Variants in PDGFD observed in about 807,000 individuals in gnomAD.
PDGFD encodes the protein platelet-derived growth factor D.
In PDGFD, 30 loss-of-function variants were observed where a neutral mutation model predicts 44.7. The observed-to-expected ratio is 0.67, with a 90% CI of 0.50 to 0.91. PDGFD has a LOEUF of 0.91. Among genes scored for constraint, PDGFD ranks in the 40% least tolerant of loss-of-function variants. The pLI, the probability that PDGFD is intolerant of heterozygous loss-of-function variation, is 0.00. For missense variants in PDGFD, 445 were observed against 457.8 expected, an observed-to-expected ratio of 0.97 and a Z score of 0.25; for synonymous variants, 173 against 168.4, an observed-to-expected ratio of 1.03 and a Z score of -0.21.
chr11:104,144,726 A>G (rs759491554), intron 1 of PDGFD, among the ~76,000 whole-genome samples: 13 of 152,202 alleles, frequency 8.5e-5, no homozygotes, highest in Non-Finnish European at 1.3e-4. Flanking sequence ...AAAAAGCAGC[A>G]GATGATAGAT....
chr11:104,059,374 C>A (rs968215632), intron 1 of PDGFD, among the ~76,000 whole-genome samples: 1 of 152,146 alleles, frequency 6.6e-6, no homozygotes, highest in Non-Finnish European at 1.5e-5. Flanking sequence ...TCAGCAATTT[C>A]ATTAGGACAT....
intron 1 of PDGFD, among the ~76,000 whole-genome samples, chr11:104,028,871 G>GA (rs201861896): frequency 1.5e-4 from 23 of 150,458 alleles, no homozygotes; most frequent in East Asian, 9.7e-4. Flanking sequence ...GTTTGTAAAG[G>GA]AAAAAAAAAT....
At chr11:104,055,719 T>C (rs1004600196) in intron 1 of PDGFD, among the ~76,000 whole-genome samples, 7 of 152,194 alleles carry the variant, frequency 4.6e-5, no homozygotes, top group Non-Finnish European at 8.8e-5. Flanking sequence ...GATGTGTTAT[T>C]TCCCCAGTTT....
At chr11:103,925,716 C>CACACACATATATATATAT (rs1198529368) in intron 6 of PDGFD, among the ~76,000 whole-genome samples, 1 of 122,758 alleles carries the variant, frequency 8.1e-6, no homozygotes, top group African/African-American at 3.2e-5. Context: ...CACACACACA[C>CACACACATATATATATAT]ATATATATAT....
At chr11:104,134,539 T>C (rs1208587632) in intron 1 of PDGFD, among the ~76,000 whole-genome samples, 1 of 152,184 alleles carries the variant, frequency 6.6e-6, no homozygotes, top group Non-Finnish European at 1.5e-5. Flanking sequence ...CAGATGGTGG[T>C]ACCCAGTCCA....
In PDGFD at chr11:104,000,273, T is replaced by G. The variant is rs764515192; in HGVS notation, c.125-18A>C. ...ATTGCTCTCTGTTAGTAGTCACAAC[T>G]TGTAGAAATTAGTATGTTGCTCCAA... is the stretch of plus-strand genomic sequence containing the variant. On this transcript the variant is annotated intron_variant, in intron 1 of 6. Transcript: ENST00000393158. The G allele has an allele frequency of 6.3e-7, 1 of 1,598,128 alleles. No homozygotes were observed.
intron 1 of PDGFD, among the ~76,000 whole-genome samples, chr11:104,016,735 C>G (rs924049431): frequency 6.6e-6 from 1 of 152,208 alleles, no homozygotes; most frequent in Non-Finnish European, 1.5e-5. Flanking sequence ...ACGGAAAGGG[C>G]ACCATGGCCA....
chr11:103,975,984 T>C (rs1261300377), intron 3 of PDGFD, among the ~76,000 whole-genome samples: 1 of 152,242 alleles, frequency 6.6e-6, no homozygotes, highest in Non-Finnish European at 1.5e-5. Context: ...ATGGGCTCTT[T>C]TTTGGTTCCA....
intron 1 of PDGFD, among the ~76,000 whole-genome samples, chr11:104,081,869 C>T (rs1565329305): frequency 1.3e-5 from 2 of 152,046 alleles, no homozygotes; most frequent in Admixed American, 6.6e-5. Context: ...ATTCACAAAA[C>T]ATTTGTCTAA....
intron 1 of PDGFD, among the ~76,000 whole-genome samples, chr11:104,028,184 C>T (rs2134080): frequency 0.32 from 42,213 of 130,092 alleles, 7,563 homozygotes; most frequent in Admixed American, 0.51. Flanking sequence ...AGCGAGACTC[C>T]GTCAAAGAAA....
intron 5 of PDGFD, among the ~76,000 whole-genome samples, chr11:103,928,154 T>C (rs1030035586): frequency 2.6e-5 from 4 of 152,234 alleles, no homozygotes; most frequent in Non-Finnish European, 5.9e-5. Context: ...CATTATTGTG[T>C]TACATAAATT....
At chr11:104,021,515 G>C (rs1444473495) in intron 1 of PDGFD, among the ~76,000 whole-genome samples, 1 of 152,108 alleles carries the variant, frequency 6.6e-6, no homozygotes, top group Non-Finnish European at 1.5e-5. Flanking sequence ...TAAGCCTTAG[G>C]AGTCATCCAC....
At chr11:104,105,896 G>C (rs1251128888) in intron 1 of PDGFD, among the ~76,000 whole-genome samples, 5 of 151,810 alleles carry the variant, frequency 3.3e-5, no homozygotes, top group Non-Finnish European at 7.4e-5. Flanking sequence ...TTATATATAA[G>C]TAGATATTAG....
At chr11:104,147,945 T>C (rs11819802) in intron 1 of PDGFD, among the ~76,000 whole-genome samples, 1 of 152,304 alleles carries the variant, frequency 6.6e-6, no homozygotes, top group Non-Finnish European at 1.5e-5. Context: ...CATTGCCTAA[T>C]GCAAATTAAC....
intron 1 of PDGFD, among the ~76,000 whole-genome samples, chr11:104,007,104 G>A (rs1859713976): frequency 6.6e-6 from 1 of 152,190 alleles, no homozygotes; most frequent in South Asian, 2.1e-4. Context: ...AGGGGTTTGA[G>A]TGTGCATGAC....
intron 1 of PDGFD, among the ~76,000 whole-genome samples, chr11:104,044,189 G>A (rs531530366): frequency 3.9e-5 from 6 of 152,284 alleles, no homozygotes; most frequent in South Asian, 4.2e-4. Context: ...TTATAAAACC[G>A]AGAATGGAAC....
intron 1 of PDGFD, among the ~76,000 whole-genome samples, chr11:104,118,831 T>TA: frequency 2.9e-5 from 1 of 34,356 alleles, no homozygotes; most frequent in African/African-American, 1.0e-4. Flanking sequence ...ATTATAAATA[T>TA]TAATATATAA....
At chr11:103,940,248 T>A (rs776000400) in intron 5 of PDGFD, among the ~76,000 whole-genome samples, 4 of 152,074 alleles carry the variant, frequency 2.6e-5, no homozygotes, top group Non-Finnish European at 5.9e-5. Flanking sequence ...CATTATAAGT[T>A]CTTTACTCAG....
chr11:104,054,671 G>A (rs560387508), intron 1 of PDGFD, among the ~76,000 whole-genome samples: 66 of 152,304 alleles, frequency 4.3e-4, no homozygotes, highest in Middle Eastern at 3.4e-3. Context: ...GACAGCAAAC[G>A]TAGAAAATGC....
Sources: gnomAD v4.1 joint callset for allele counts (sites outside exome capture counted in the v4.1 genomes callset) on GRCh38, gnomAD v4.1.1 for gene constraint, MANE v1.5 for transcripts, NCBI Gene and HGNC (gene_info 2026-07-23, HGNC 2026-07-21) for gene names.